The following SNX29 variants were observed in gnomAD, a reference collection of about 807,000 sequenced individuals.
SNX29 encodes the protein sorting nexin 29.
A neutral mutation model predicts 102.1 loss-of-function variants in SNX29; 78 were observed. The ratio of observed to expected loss-of-function variants is 0.76; its 90% confidence interval spans 0.64 to 0.92. The LOEUF is 0.92. Ranked by LOEUF, SNX29 falls within the 40% of genes least tolerant of loss-of-function variation. SNX29 has a pLI of 0.00. For synonymous variants in SNX29, 580 were observed against 414.5 expected (o/e 1.40, Z -4.85); for missense variants, 1,280 against 1,061.7 (o/e 1.21, Z -2.86).
intron 15 of SNX29, among the ~76,000 whole-genome samples, chr16:12,352,153 T>A (rs2082007295): frequency 1.3e-5 from 2 of 152,210 alleles, no homozygotes; most frequent in African/African-American, 2.4e-5. Context: ...TAAAGAAATG[T>A]GGCACATATA....
intron 20 of SNX29, among the ~76,000 whole-genome samples, chr16:12,551,622 G>A (rs1244651081): frequency 6.6e-6 from 1 of 152,218 alleles, no homozygotes; most frequent in African/African-American, 2.4e-5. Context: ...CTGAGTCTGA[G>A]GCATCAACCC....
intron 17 of SNX29, among the ~76,000 whole-genome samples, chr16:12,403,202 A>ATGTATGTGTG (rs1182093376): frequency 4.2e-5 from 3 of 70,944 alleles, no homozygotes; most frequent in African/African-American, 2.0e-4. Flanking sequence ...TTGTGTGTGT[A>ATGTATGTGTG]TGTGTGTGTG....
chr16:12,414,540 C>G (rs1034604811), intron 18 of SNX29, among the ~76,000 whole-genome samples: 4 of 152,206 alleles, frequency 2.6e-5, no homozygotes, highest in African/African-American at 9.6e-5. Flanking sequence ...TGCTAAGCTA[C>G]TGATCTGTGA....
chr16:12,520,546 A>T (rs1188264867), intron 19 of SNX29, among the ~76,000 whole-genome samples: 1 of 152,238 alleles, frequency 6.6e-6, no homozygotes, highest in Non-Finnish European at 1.5e-5. Flanking sequence ...AACGAGCATG[A>T]GTGAAGATGT....
chr16:12,371,430 T>TG (rs2082678656), intron 16 of SNX29, among the ~76,000 whole-genome samples: 1 of 152,180 alleles, frequency 6.6e-6, no homozygotes, highest in African/African-American at 2.4e-5. Context: ...CCGGAGAAGC[T>TG]GGCACTATAG....
intron 14 of SNX29, among the ~76,000 whole-genome samples, chr16:12,221,661 A>G (rs2077481236): frequency 6.6e-6 from 1 of 152,224 alleles, no homozygotes; most frequent in South Asian, 2.1e-4. Context: ...TTCATGGCTT[A>G]TAGTGACCAG....
chr16:12,318,959 A>C (rs576617353), intron 15 of SNX29, among the ~76,000 whole-genome samples: 1 of 152,058 alleles, frequency 6.6e-6, no homozygotes, highest in Non-Finnish European at 1.5e-5. Context: ...GATTACCCTT[A>C]TCTTGTCTCC....
At chr16:12,031,058 T>C (rs2057328066) in intron 4 of SNX29, among the ~76,000 whole-genome samples, 1 of 152,016 alleles carries the variant, frequency 6.6e-6, no homozygotes, top group African/African-American at 2.4e-5. Context: ...CTCAGTAATT[T>C]AGATGATTCA....
chr16:12,103,927 T>G (rs78057259), intron 11 of SNX29, among the ~76,000 whole-genome samples: 4,610 of 152,328 alleles, frequency 0.03, 226 homozygotes, highest in African/African-American at 0.1. Flanking sequence ...ATCATCAATT[T>G]ATTCTTCATT....
intron 15 of SNX29, among the ~76,000 whole-genome samples, chr16:12,345,141 G>A (rs561383136): frequency 1.4e-4 from 21 of 152,226 alleles, no homozygotes; most frequent in Non-Finnish European, 4.4e-5. Flanking sequence ...AGTAACACAC[G>A]TGGAGTTGGG....
At position 12,444,840 on chromosome 16, in the gene SNX29, TTG is replaced by T. The variant is rs1403879099; in HGVS notation, c.2038-32877_2038-32876del. On this transcript the variant is annotated intron_variant, in intron 18 of 20. Coordinates refer to ENST00000566228, the MANE Select transcript of SNX29 (RefSeq NM_032167.5). ...ATTGTCCCCTCGACAGTGTTTTTTTTTGTTTTTTTTTTTTTTTGAGACAGAGT... is the reference window on the plus strand; with the variant it reads ...ATTGTCCCCTCGACAGTGTTTTTTTTTTTTTTTTTTTTTTTGAGACAGAGT... Among the ~76,000 whole-genome samples the T allele has an allele frequency of 9.5e-5, 8 of 84,378 alleles. No homozygotes were observed. The East Asian group carries it at 1.6e-3, about 17-fold the overall frequency. The allele number at this position is 84,378 out of a possible 152,430, so 55.4% of individuals were successfully genotyped here. A position where few individuals can be genotyped will look rare whatever the true frequency, so the allele number is the denominator to read the frequency against.
At chr16:12,454,413 A>G (rs566060885) in intron 18 of SNX29, among the ~76,000 whole-genome samples, 48 of 152,252 alleles carry the variant, frequency 3.2e-4, no homozygotes, top group Admixed American at 5.2e-4. Context: ...TGCGATTCCT[A>G]CCTGATGCAA....
chr16:12,213,564 AGTGGTTG>A (rs1271909697), intron 14 of SNX29, among the ~76,000 whole-genome samples: 1 of 152,246 alleles, frequency 6.6e-6, no homozygotes, highest in Non-Finnish European at 1.5e-5. Context: ...AGTAGCAGGC[AGTGGTTG>A]GTGTTGTGGG....
intron 14 of SNX29, among the ~76,000 whole-genome samples, chr16:12,260,132 G>C (rs1018189445): frequency 6.6e-6 from 1 of 152,198 alleles, no homozygotes; most frequent in African/African-American, 2.4e-5. Flanking sequence ...CATAAGGGAA[G>C]TGAGCTTTCA....
At chr16:12,278,429 A>G (rs2079325600) in intron 15 of SNX29, among the ~76,000 whole-genome samples, 1 of 152,198 alleles carries the variant, frequency 6.6e-6, no homozygotes, top group Non-Finnish European at 1.5e-5. Flanking sequence ...TTAATTGAAG[A>G]TGAGGCAAAC....
chr16:12,522,278 A>G (rs1042524144), intron 19 of SNX29, among the ~76,000 whole-genome samples: 2 of 152,220 alleles, frequency 1.3e-5, no homozygotes, highest in African/African-American at 4.8e-5. Flanking sequence ...TGAAGTTCAA[A>G]TTTCACTGGG....
At chr16:12,160,220 C>G (rs976621132) in intron 13 of SNX29, among the ~76,000 whole-genome samples, 1 of 152,198 alleles carries the variant, frequency 6.6e-6, no homozygotes, top group East Asian at 1.9e-4. Flanking sequence ...CACGAACTGC[C>G]TCCACTCCAC....
intron 4 of SNX29, among the ~76,000 whole-genome samples, chr16:12,039,806 T>C (rs1357195237): frequency 1.3e-5 from 2 of 152,234 alleles, no homozygotes; most frequent in East Asian, 3.8e-4. Flanking sequence ...CTTTCTGCCA[T>C]ACTGTTTACT....
intron 4 of SNX29, among the ~76,000 whole-genome samples, chr16:12,038,954 G>C (rs1378309133): frequency 1.3e-5 from 2 of 152,206 alleles, no homozygotes; most frequent in Admixed American, 6.5e-5. Flanking sequence ...GTACAGTTGT[G>C]TGGAGTAGAC....
Sources: allele counts gnomAD v4.1 joint callset (sites outside exome capture counted in the v4.1 genomes callset), GRCh38; gene constraint gnomAD v4.1.1; transcripts MANE v1.5; gene names NCBI Gene and HGNC (gene_info 2026-07-23, HGNC 2026-07-21).